Variants in PALM observed in about 807,000 individuals in gnomAD.
PALM encodes paralemmin-1.
PALM carries 18 observed loss-of-function variants against 30.7 expected under a neutral mutation model. That is an observed-to-expected ratio of 0.59 (90% confidence interval 0.41 to 0.87). The LOEUF (loss-of-function observed/expected upper bound fraction) is 0.87, where lower values mean the gene tolerates loss of function less well. Among genes scored for constraint, PALM ranks in the 40% least tolerant of loss-of-function variants. The pLI, the probability that PALM is intolerant of heterozygous loss-of-function variation, is 0.00. For synonymous variants in PALM, 286 were observed against 242.8 expected (o/e 1.18, Z -1.66); for missense variants, 529 against 555.4 (o/e 0.95, Z 0.48).
At chr19:723,905 C>T (rs779124494) in intron 1 of PALM, among the ~76,000 whole-genome samples, 1 of 151,434 alleles carries the variant, frequency 6.6e-6, no homozygotes, top group Non-Finnish European at 1.5e-5. Context: ...CTGCTTTTTG[C>T]ATTTTACTAA....
chr19:742,223 G>GC lies in PALM; in HGVS notation c.634+1741dup, dbSNP rs2033214116. On this transcript the variant is annotated intron_variant, in intron 8 of 8. Transcript: ENST00000338448. The surrounding 1 kb of genome is among the most constrained non-coding windows in gnomAD (Gnocchi z 5.5). ...TCACTTCCTGTCCCCTCCCCAGTCA[G>GC]CGTCACTCCCTATCCCCTCCCCAGC... Among the ~76,000 whole-genome samples the GC allele has an allele frequency of 6.6e-6, 1 of 151,930 alleles. No homozygotes were observed. The highest frequency in any genetic ancestry group is 6.6e-5 in the Admixed American group (1 of 15,228).
In PALM at chr19:727,630, G is replaced by A; in HGVS notation, c.205G>A (p.Asp69Asn). Residue 69 changes from aspartate (D) to asparagine (N), a missense_variant, in exon 4 of 9, where the codon GAC (aspartate) becomes AAC (asparagine). Transcript: ENST00000338448. ...TPSSASEGDE[D>N]LRRQMQDDEQ... Reference sequence around the variant, plus strand: ...GTCCTCGGCCTCAGAGGGGGATGAGGACCTGAGGAGGCAGATGCAGGACGA... The same window carrying A: ...GTCCTCGGCCTCAGAGGGGGATGAGAACCTGAGGAGGCAGATGCAGGACGA... 1 of 1,575,100 alleles carries A rather than the reference G, an allele frequency of 6.3e-7. No homozygotes were observed. Among genetic ancestry groups the A allele is most frequent in the South Asian group, 1.2e-5 (1 of 85,946 alleles).
intron 1 of PALM, among the ~76,000 whole-genome samples, chr19:711,423 G>A (rs1363536580): frequency 1.3e-5 from 2 of 152,208 alleles, no homozygotes; most frequent in Non-Finnish European, 2.9e-5. Context: ...GGCCTGGACA[G>A]ATGGTCAAGA....
intron 1 of PALM, chr19:723,050 G>T (rs1331648676): frequency 6.6e-6 from 1 of 152,646 alleles, no homozygotes; most frequent in East Asian, 1.9e-4. Context: ...CTCCAGGGAG[G>T]TCTTGACCCG....
intron 1 of PALM, among the ~76,000 whole-genome samples, chr19:725,287 G>A (rs967114712): frequency 5.3e-5 from 8 of 151,574 alleles, no homozygotes; most frequent in Non-Finnish European, 8.8e-5. Context: ...GGCCGGGCGC[G>A]GTGGCTCACG....
rs1486292490 is a variant in PALM at position 727,014 on chromosome 19, C to T, written c.64C>T (p.Arg22Trp). 20 of 1,438,372 alleles carry T rather than the reference C, an allele frequency of 1.4e-5. No individual in the cohort carries two copies. The highest frequency in any genetic ancestry group is 1.6e-5 in the Non-Finnish European group (17 of 1,058,806). The allele number at this position is 1,438,372 out of a possible 1,614,324, so 89.1% of individuals were successfully genotyped here. The change falls in exon 3 of 9, where the codon CGG becomes TGG. Residue 22 changes from arginine (R) to tryptophan (W), a missense_variant. Transcript: ENST00000338448. ...QERLQAIAEK[R>W]KRQAEIENKR... The stretch of plus-strand genomic sequence containing the variant: ...CACCCGGCCCTCCCCACAGGAGAAG[C>T]GGAAGCGGCAGGCGGAGATCGAGAA...
At chr19:726,496 C>T (rs1231012739) in intron 2 of PALM, among the ~76,000 whole-genome samples, 1 of 152,108 alleles carries the variant, frequency 6.6e-6, no homozygotes, top group Non-Finnish European at 1.5e-5. Context: ...CACAGATGTG[C>T]TTTGGTGCCA....
chr19:727,105 G>A lies in PALM; in HGVS notation c.138+17G>A, dbSNP rs113692988. On this transcript the variant is annotated intron_variant, in intron 3 of 8. Transcript: ENST00000338448. ...CACCTGAAGGTACGAGCGGGGCAGG[G>A]ACCCAGGGTCAGGGAGTGCAGGCGG... 0.13 allele frequency: 199,970 copies of A among 1,518,880 alleles called. 14,002 individuals carry two copies. The highest frequency in any genetic ancestry group is 0.23 in the African/African-American group (16,627 of 72,370). 94.1% of individuals were successfully genotyped at this position (1,518,880 alleles called of 1,614,324 possible). A position where few individuals can be genotyped will look rare whatever the true frequency, so the allele number is the denominator to read the frequency against.
At chr19:731,375 C>T (rs1205384189) in intron 5 of PALM, 130 bp downstream of exon 5, 22 of 895,320 alleles carry the variant, frequency 2.5e-5, no homozygotes. Context: ...ACTTGATTTC[C>T]AGCTCACCGG....
intron 7 of PALM, among the ~76,000 whole-genome samples, chr19:739,542 G>A (rs1261795827): frequency 2.0e-5 from 3 of 152,084 alleles, no homozygotes; most frequent in African/African-American, 4.8e-5. Context: ...TTAGCCGGGT[G>A]TGGTGGCGCA....
chr19:738,439 T>A (rs1274220870), intron 7 of PALM, among the ~76,000 whole-genome samples: 6 of 151,800 alleles, frequency 4.0e-5, no homozygotes, highest in African/African-American at 1.5e-4. Context: ...GGCAGGAGAA[T>A]CGGTTGAACC....
chr19:731,310 C>T (rs924232319), intron 5 of PALM, 65 bp downstream of exon 5: 2 of 1,403,226 alleles, frequency 1.4e-6, no homozygotes, highest in Non-Finnish European at 1.9e-6. Flanking sequence ...AGAGCGAGGC[C>T]CCAGCCCTTC....
intron 1 of PALM, among the ~76,000 whole-genome samples, chr19:716,703 G>C (rs2032272284): frequency 1.3e-5 from 2 of 152,154 alleles, no homozygotes; most frequent in South Asian, 2.1e-4. Context: ...GCCAGCAGGG[G>C]TTTCAGCACT....
At chr19:729,291 A>C (rs1438613077) in intron 4 of PALM, among the ~76,000 whole-genome samples, 5 of 151,328 alleles carry the variant, frequency 3.3e-5, no homozygotes, top group Non-Finnish European at 7.4e-5. Context: ...AAGCCACTGC[A>C]CTCCAGCCTG....
chr19:710,619 C>A (rs1443530554), intron 1 of PALM, among the ~76,000 whole-genome samples: 1 of 151,780 alleles, frequency 6.6e-6, no homozygotes. Flanking sequence ...TCCTTTCCCA[C>A]GGGGGATACT....
At chr19:730,160 C>G (rs537309935) in intron 4 of PALM, among the ~76,000 whole-genome samples, 1 of 152,248 alleles carries the variant, frequency 6.6e-6, no homozygotes, top group Admixed American at 6.5e-5. Flanking sequence ...GCCCTCCAGG[C>G]TGACTGTGGG....
At chr19:737,724 G>T (rs1324560007) in intron 7 of PALM, among the ~76,000 whole-genome samples, 2 of 152,192 alleles carry the variant, frequency 1.3e-5, no homozygotes, top group African/African-American at 4.8e-5. Flanking sequence ...CCCGGGGCAG[G>T]ACTGCGCCTG....
intron 6 of PALM, 36 bp from the exon 7 acceptor site, chr19:735,983 C>G: frequency 1.3e-6 from 2 of 1,583,466 alleles, no homozygotes; most frequent in Non-Finnish European, 1.7e-6. Context: ...TCTCCTCTGA[C>G]CCTCATCTCT....
intron 4 of PALM, 143 bp from the exon 5 acceptor site, chr19:730,951 AG>A (rs1440838018): frequency 6.9e-6 from 4 of 577,426 alleles, no homozygotes; most frequent in Non-Finnish European, 1.2e-5. Context: ...CAGCGAGCCA[AG>A]ATCACGCCAT....
Sources: gnomAD v4.1 joint callset for allele counts (sites outside exome capture counted in the v4.1 genomes callset) on GRCh38, gnomAD v4.1.1 for gene constraint, Gnocchi (gnomAD v3.1) non-coding constraint, MANE v1.5 for transcripts, NCBI Gene and HGNC (gene_info 2026-07-23, HGNC 2026-07-21) for gene names.